Variants in MAP4K4 observed in about 807,000 individuals in gnomAD.
MAP4K4 encodes HPK/GCK-like kinase HGK.
In MAP4K4, 38 loss-of-function variants were observed where a neutral mutation model predicts 189.6. That is an observed-to-expected ratio of 0.20 (90% CI 0.15 to 0.26). MAP4K4 has a LOEUF of 0.26. Among genes scored for constraint, MAP4K4 ranks in the 10% least tolerant of loss-of-function variants. The probability of loss-of-function intolerance (pLI) is 1.00; values close to 1 mark genes in which losing one functional copy is unlikely to be tolerated. For missense variants in MAP4K4, 1,054 were observed against 1,726.9 expected, an observed-to-expected ratio of 0.61 and a Z score of 6.91; for synonymous variants, 610 against 624.3, an observed-to-expected ratio of 0.98 and a Z score of 0.34.
At chr2:101,787,309 A>G (rs913898510) in intron 2 of MAP4K4, among the ~76,000 whole-genome samples, 7 of 152,230 alleles carry the variant, frequency 4.6e-5, no homozygotes, top group African/African-American at 1.7e-4. Flanking sequence ...ATGGGATGAT[A>G]TAATAGATGT....
rs1295552184 is a variant in MAP4K4 at position 101,863,786 on chromosome 2, C to T, written c.1867-35C>T. 4.6e-6 allele frequency: 6 copies of T among 1,315,212 alleles called. 1 individual carries two copies. The highest frequency in any genetic ancestry group is 2.3e-5 in the South Asian group (2 of 86,992). The allele number at this position is 1,315,212 out of a possible 1,614,324, so 81.5% of individuals were successfully genotyped here. A position where few individuals can be genotyped will look rare whatever the true frequency, so the allele number is the denominator to read the frequency against. ...CCAGAAAAGCCAGTTTTATGCAGAA[C>T]GCATTGAATGTTTTGTGTTTTGTTT... On this transcript the variant is annotated intron_variant, in intron 16 of 32. Coordinates refer to ENST00000324219, the Ensembl canonical transcript of MAP4K4.
At chr2:101,857,384 G>A (rs2097506620) in intron 13 of MAP4K4, among the ~76,000 whole-genome samples, 1 of 151,282 alleles carries the variant, frequency 6.6e-6, no homozygotes, top group African/African-American at 2.4e-5. Context: ...GTTGTGTATT[G>A]TTTGTTCATT....
At chr2:101,706,549 A>G (rs1304767657) in intron 2 of MAP4K4, among the ~76,000 whole-genome samples, 1 of 152,222 alleles carries the variant, frequency 6.6e-6, no homozygotes, top group Non-Finnish European at 1.5e-5. Flanking sequence ...TAAAAGGTAT[A>G]ACAAATGCCT....
At chr2:101,737,839 T>G (rs970766807) in intron 2 of MAP4K4, among the ~76,000 whole-genome samples, 1 of 152,122 alleles carries the variant, frequency 6.6e-6, no homozygotes, top group Non-Finnish European at 1.5e-5. Context: ...CTCCCTCACT[T>G]AGGCTCCTGT....
chr2:101,700,887 C>G (rs1461386794), intron 2 of MAP4K4, among the ~76,000 whole-genome samples: 1 of 149,630 alleles, frequency 6.7e-6, no homozygotes, highest in African/African-American at 2.5e-5. Flanking sequence ...TTTTTTTCCT[C>G]TTTTTAACTA....
chr2:101,881,473 A>G (rs1045981221), intron 27 of MAP4K4, among the ~76,000 whole-genome samples: 22 of 152,204 alleles, frequency 1.4e-4, no homozygotes, highest in African/African-American at 5.1e-4. Context: ...CTGTGAAGAA[A>G]GACAGTTTTA....
At chr2:101,755,186 CTT>C (rs72002390) in intron 2 of MAP4K4, among the ~76,000 whole-genome samples, 23 of 144,400 alleles carry the variant, frequency 1.6e-4, no homozygotes, top group Admixed American at 4.1e-4. Flanking sequence ...CCCCTCCTCG[CTT>C]TTTTTTTTTT....
intron 7 of MAP4K4, among the ~76,000 whole-genome samples, chr2:101,833,577 G>A (rs1043313818): frequency 4.7e-5 from 7 of 148,308 alleles, no homozygotes; most frequent in South Asian, 2.1e-4. Context: ...CTGAGATCGC[G>A]CCACTGCATT....
At position 101,704,545 on chromosome 2, in the gene MAP4K4, A is replaced by G. The variant is rs1351236230; in HGVS notation, c.123+6007A>G. On this transcript the variant is annotated intron_variant, in intron 2 of 32. Coordinates refer to ENST00000324219, the Ensembl canonical transcript of MAP4K4. ...TATGTGTGTGTGTGTGTGTGTGTAT[A>G]TATATATATATATATATATATATTT... is the stretch of plus-strand genomic sequence containing the variant. Among the ~76,000 whole-genome samples the G allele has an allele frequency of 8.2e-4, 58 of 70,766 alleles. No individual in the cohort carries two copies. The East Asian group carries it at 0.013, about 16-fold the overall frequency. The allele number at this position is 70,766 out of a possible 152,430, so 46.4% of individuals were successfully genotyped here. A position where few individuals can be genotyped will look rare whatever the true frequency, so the allele number is the denominator to read the frequency against.
intron 12 of MAP4K4, among the ~76,000 whole-genome samples, chr2:101,849,852 A>G (rs142098873): frequency 3.1e-4 from 47 of 152,174 alleles, no homozygotes; most frequent in African/African-American, 1.1e-3. Flanking sequence ...GAATATAGCA[A>G]TACCCCATCT....
At chr2:101,759,593 A>ACCTCCCCATTCCCCTTCCCTCC (rs2075052463) in intron 2 of MAP4K4, among the ~76,000 whole-genome samples, 1 of 2,148 alleles carries the variant, frequency 4.7e-4, no homozygotes, top group Non-Finnish European at 7.4e-4. Flanking sequence ...CTCCCCATTC[A>ACCTCCCCATTCCCCTTCCCTCC]CCTCCCCATT....
intron 2 of MAP4K4, among the ~76,000 whole-genome samples, chr2:101,717,161 T>C (rs903606348): frequency 1.8e-4 from 28 of 152,144 alleles, no homozygotes; most frequent in Admixed American, 1.5e-3. Flanking sequence ...CCTTAATTCA[T>C]GGATGGCAAC....
chr2:101,815,379 C>T (rs2095655178), intron 3 of MAP4K4, among the ~76,000 whole-genome samples: 1 of 152,128 alleles, frequency 6.6e-6, no homozygotes. Flanking sequence ...AATTGGGTGT[C>T]AGGTTCCTTC....
intron 2 of MAP4K4, among the ~76,000 whole-genome samples, chr2:101,738,377 A>G (rs542595212): frequency 6.6e-6 from 1 of 152,346 alleles, no homozygotes; most frequent in East Asian, 1.9e-4. Flanking sequence ...ATGTTGAGAA[A>G]GAAAGGCCTT....
At chr2:101,840,472 C>T (rs1432464692) in intron 10 of MAP4K4, among the ~76,000 whole-genome samples, 1 of 152,136 alleles carries the variant, frequency 6.6e-6, no homozygotes, top group African/African-American at 2.4e-5. Flanking sequence ...CTTTAAGTAG[C>T]ATGCATAACA....
chr2:101,826,498 A>G (rs532656303), intron 5 of MAP4K4, among the ~76,000 whole-genome samples: 1 of 152,304 alleles, frequency 6.6e-6, no homozygotes, highest in Admixed American at 6.5e-5. Context: ...AGGATCTTTT[A>G]TGACTATTAT....
At chr2:101,847,072 G>A (rs1035171245) in intron 12 of MAP4K4, among the ~76,000 whole-genome samples, 4 of 152,158 alleles carry the variant, frequency 2.6e-5, no homozygotes, top group African/African-American at 9.7e-5. Flanking sequence ...CTGAGTACAT[G>A]TATGATGGTG....
intron 1 of MAP4K4, 76 bp downstream of exon 1, chr2:101,698,213 C>G: frequency 1.7e-6 from 1 of 590,580 alleles, no homozygotes; most frequent in Non-Finnish European, 2.1e-6. Context: ...CCAGGTCGGC[C>G]GGGCGCTCGG....
intron 29 of MAP4K4, among the ~76,000 whole-genome samples, chr2:101,885,797 C>T (rs140121639): frequency 2.4e-3 from 373 of 152,264 alleles, no homozygotes; most frequent in African/African-American, 8.6e-3. Context: ...TCAGCTATAA[C>T]ATCTGAACTA....
Sources: gnomAD v4.1 joint callset for allele counts (sites outside exome capture counted in the v4.1 genomes callset) on GRCh38, gnomAD v4.1.1 for gene constraint, MANE v1.5 for transcripts, NCBI Gene and HGNC (gene_info 2026-07-23, HGNC 2026-07-21) for gene names.